Variants in POLR1E observed in about 807,000 individuals in gnomAD.
POLR1E encodes the protein RNA polymerase I subunit E.
Under a neutral mutation model 50.9 loss-of-function variants are expected in POLR1E, and 37 were observed. That is an observed-to-expected ratio of 0.73 (90% CI 0.56 to 0.96). POLR1E has a LOEUF of 0.96. Ranked by LOEUF, POLR1E falls within the 40% of genes least tolerant of loss-of-function variation. The pLI is 0.00. For synonymous variants in POLR1E, 166 were observed against 191.6 expected (o/e 0.87, Z 1.10); for missense variants, 426 against 518.1 (o/e 0.82, Z 1.73).
chr9:37,495,817 C>T (rs41305323), intron 7 of POLR1E, 73 bp from the exon 8 acceptor site: 17,093 of 1,048,054 alleles, frequency 0.016, 311 homozygotes, highest in African/African-American at 0.073. Flanking sequence ...CTGTGAAATG[C>T]CACTGCTATG....
At chr9:37,492,890 C>T (rs146667584) in intron 5 of POLR1E, among the ~76,000 whole-genome samples, 175 bp downstream of exon 5, 1 of 152,322 alleles carries the variant, frequency 6.6e-6, no homozygotes, top group African/African-American at 2.4e-5. Context: ...CTTGGTCCCA[C>T]AGAGAACAGT....
At chr9:37,486,623 C>G (rs763314067) in intron 1 of POLR1E, 80 bp from the exon 2 acceptor site, 1 of 1,614,152 alleles carries the variant, frequency 6.2e-7, no homozygotes, top group African/African-American at 1.3e-5. Context: ...CTCCCAGTGA[C>G]AGTCTAGTCC....
chr9:37,499,713 G>A (rs1041677180), intron 9 of POLR1E, among the ~76,000 whole-genome samples: 7 of 151,772 alleles, frequency 4.6e-5, no homozygotes, highest in Admixed American at 3.3e-4. Context: ...GTTTTTAGTA[G>A]AGACGGGGTT....
intron 9 of POLR1E, among the ~76,000 whole-genome samples, chr9:37,499,157 G>A (rs972462585): frequency 1.5e-4 from 23 of 152,192 alleles, no homozygotes; most frequent in Admixed American, 2.6e-4. Flanking sequence ...GGCTGGGCAT[G>A]GTGGGTCATG....
intron 4 of POLR1E, among the ~76,000 whole-genome samples, chr9:37,491,753 C>T (rs1178686121): frequency 3.9e-5 from 6 of 152,198 alleles, no homozygotes; most frequent in South Asian, 2.1e-4. Flanking sequence ...TGTGAGCCAC[C>T]GTGCCTAGCC....
intron 11 of POLR1E, 43 bp downstream of exon 11, chr9:37,501,887 T>A: frequency 6.3e-7 from 1 of 1,583,860 alleles, no homozygotes; most frequent in Non-Finnish European, 8.6e-7. Context: ...GGTGTCTCGA[T>A]GTCTTATTTC....
Position 37,486,810 on chromosome 9 carries a change from AG to A in POLR1E, c.180+5del, listed in dbSNP as rs778002794. On this transcript the variant is annotated splice_donor_5th_base_variant and intron_variant, in intron 2 of 11. Transcript: ENST00000377798. ...GAAGAGGAATCAACGGATCCTGGTA[AG>A]TGAAGCAGTTGCCAGCTGTCTCCAC... 6.2e-7 allele frequency: 1 copy of A among 1,605,076 alleles called. No homozygotes were observed. The highest frequency in any genetic ancestry group is 1.1e-5 in the South Asian group (1 of 90,116).
At chr9:37,489,870 G>A (rs906850634) in intron 4 of POLR1E, among the ~76,000 whole-genome samples, 5 of 152,172 alleles carry the variant, frequency 3.3e-5, no homozygotes, top group Admixed American at 2.0e-4. Context: ...CACTGCGCCC[G>A]GCCTAGAGTT....
chr9:37,493,775 C>A, intron 6 of POLR1E, 72 bp downstream of exon 6: 1 of 1,373,660 alleles, frequency 7.3e-7, no homozygotes, highest in South Asian at 2.0e-5. Context: ...ATCTTTTACC[C>A]ACCCACACAT....
intron 9 of POLR1E, 37 bp downstream of exon 9, chr9:37,498,261 C>T: frequency 6.3e-7 from 1 of 1,581,474 alleles, no homozygotes; most frequent in Non-Finnish European, 8.7e-7. Context: ...TAATTGTTTC[C>T]AGTATATTAT....
intron 4 of POLR1E, chr9:37,490,459 C>A: frequency 1.1e-6 from 1 of 891,650 alleles, no homozygotes; most frequent in South Asian, 1.3e-5. Flanking sequence ...TCCAGCAGCT[C>A]AGGCTGCTTC....
At chr9:37,499,011 C>G (rs185377008) in intron 9 of POLR1E, among the ~76,000 whole-genome samples, 15 of 152,286 alleles carry the variant, frequency 9.8e-5, no homozygotes, top group Admixed American at 4.6e-4. Context: ...AGCTGCTGTT[C>G]CTAGGCTGCA....
chr9:37,495,944 A>G lies in POLR1E; in HGVS notation c.710A>G (p.Asn237Ser), dbSNP rs764826753. The change falls in exon 8 of 12, where the codon AAC (asparagine) becomes AGC (serine). Residue 237 changes from asparagine to serine, a missense_variant. Coordinates refer to ENST00000377798, the MANE Select transcript of POLR1E (RefSeq NM_022490.4). ...CAGAGCCCATCTGAAGCTTTCAGGA[A>G]CGTCACGTCAGAAGAAATACTGAAG... The part of the protein sequence containing the change: ...ALQSPSEAFR[N>S]VTSEEILKMI... 3 of 1,614,100 alleles carry G rather than the reference A, an allele frequency of 1.9e-6. No individual in the cohort carries two copies. Among genetic ancestry groups the G allele is most frequent in the Non-Finnish European group, 2.5e-6 (3 of 1,179,938 alleles).
intron 9 of POLR1E, among the ~76,000 whole-genome samples, chr9:37,500,045 T>C (rs1820854725): frequency 6.6e-6 from 1 of 151,902 alleles, no homozygotes; most frequent in Non-Finnish European, 1.5e-5. Flanking sequence ...GAGACGGGGT[T>C]TCACCATGTT....
At chr9:37,490,601 GCT>G in intron 4 of POLR1E, 1 of 722,228 alleles carries the variant, frequency 1.4e-6, no homozygotes, top group South Asian at 1.4e-5. Flanking sequence ...AGCTTTCTCG[GCT>G]CTTAGAGTGC....
intron 7 of POLR1E, among the ~76,000 whole-genome samples, 177 bp from the exon 8 acceptor site, chr9:37,495,713 C>T (rs1820772439): frequency 6.6e-6 from 1 of 152,178 alleles, no homozygotes; most frequent in African/African-American, 2.4e-5. Flanking sequence ...AGGGAATGGG[C>T]TCTGGGCTGG....
rs765403958 is a variant in POLR1E at position 37,486,618 on chromosome 9, A to G, written c.77-85A>G. The G allele has an allele frequency of 3.2e-5, 52 of 1,613,846 alleles. No individual in the cohort carries two copies. In the Middle Eastern group the frequency reaches 1.5e-3, roughly 46 times the overall value. On this transcript the variant is annotated intron_variant, in intron 1 of 11. Transcript: ENST00000377798. ...CATCCCCATTCTGACACTCCCTCCC[A>G]GTGACAGTCTAGTCCCACCGTACAT...
In POLR1E at chr9:37,493,534, G is replaced by T. The variant is rs750872277; in HGVS notation, c.403-25G>T. The stretch of plus-strand genomic sequence containing the variant: ...GCAGCACCTACCTGTCCTGTCCCCA[G>T]TAACCAGGTTTATCTCATAAACAGA... On this transcript the variant is annotated intron_variant, in intron 5 of 11. Coordinates refer to ENST00000377798, the MANE Select transcript of POLR1E (RefSeq NM_022490.4). 3 of 1,558,416 alleles carry T rather than the reference G, an allele frequency of 1.9e-6. No homozygotes were observed. The East Asian group carries it at 6.9e-5, about 36-fold the overall frequency.
intron 9 of POLR1E, among the ~76,000 whole-genome samples, chr9:37,498,823 A>T (rs1338789583): frequency 1.3e-5 from 2 of 152,166 alleles, no homozygotes; most frequent in Non-Finnish European, 2.9e-5. Context: ...TGTTACTGTG[A>T]TTGGGCATCC....
Sources: allele counts gnomAD v4.1 joint callset (sites outside exome capture counted in the v4.1 genomes callset), GRCh38; gene constraint gnomAD v4.1.1; transcripts MANE v1.5; gene names NCBI Gene and HGNC (gene_info 2026-07-23, HGNC 2026-07-21).